SDK1: variants seen among roughly 807,000 people sequenced by gnomAD.
SDK1 encodes the protein sidekick cell adhesion molecule 1, also known as protein sidekick-1.
In SDK1, 157 loss-of-function variants were observed where a neutral mutation model predicts 245.5. That is an observed-to-expected ratio of 0.64 (90% CI 0.56 to 0.73). The LOEUF (loss-of-function observed/expected upper bound fraction) is 0.73, where lower values mean the gene tolerates loss of function less well. SDK1 is among the 30% of genes least tolerant of loss of function. SDK1 has a pLI of 0.00. For synonymous variants in SDK1, 1,647 were observed against 1,278.5 expected, an observed-to-expected ratio of 1.29 and a Z score of -6.15; for missense variants, 3,583 against 3,002.3, an observed-to-expected ratio of 1.19 and a Z score of -4.52.
At chr7:3,657,059 T>C (rs2128658030) in intron 4 of SDK1, among the ~76,000 whole-genome samples, 1 of 152,270 alleles carries the variant, frequency 6.6e-6, no homozygotes, top group Non-Finnish European at 1.5e-5. Flanking sequence ...GGTGGAAATC[T>C]TGACTGTCAA....
intron 35 of SDK1, among the ~76,000 whole-genome samples, chr7:4,196,701 T>C (rs672566): frequency 0.25 from 37,887 of 152,100 alleles, 4,917 homozygotes; most frequent in South Asian, 0.39. Context: ...AGGGCTGGAA[T>C]TGCCTGCTGA....
intron 13 of SDK1, among the ~76,000 whole-genome samples, chr7:3,983,693 C>G (rs1783596462): frequency 1.3e-5 from 2 of 152,184 alleles, no homozygotes; most frequent in African/African-American, 4.8e-5. Context: ...CAAGGCCCTT[C>G]ACATTATGAA....
At chr7:3,565,603 T>C (rs1779886691) in intron 1 of SDK1, among the ~76,000 whole-genome samples, 1 of 152,224 alleles carries the variant, frequency 6.6e-6, no homozygotes, top group Non-Finnish European at 1.5e-5. Flanking sequence ...AGTCATCTCT[T>C]GGTATCTGGA....
At chr7:3,893,994 A>G (rs921643980) in intron 5 of SDK1, among the ~76,000 whole-genome samples, 1 of 152,204 alleles carries the variant, frequency 6.6e-6, no homozygotes, top group African/African-American at 2.4e-5. Context: ...CACTGCAGAG[A>G]TGTATAAGAT....
intron 5 of SDK1, among the ~76,000 whole-genome samples, chr7:3,881,759 C>G (rs1781214067): frequency 6.6e-6 from 1 of 152,146 alleles, no homozygotes; most frequent in African/African-American, 2.4e-5. Context: ...AAAGTGAGCC[C>G]TCACACCAGA....
intron 2 of SDK1, among the ~76,000 whole-genome samples, chr7:3,627,426 G>T (rs1271697682): frequency 6.6e-6 from 1 of 152,202 alleles, no homozygotes; most frequent in Non-Finnish European, 1.5e-5. Context: ...CATGCTTCCA[G>T]ATTGCGGTGC....
chr7:3,801,279 A>T (rs574042755), intron 4 of SDK1, among the ~76,000 whole-genome samples: 1 of 152,208 alleles, frequency 6.6e-6, no homozygotes, highest in Non-Finnish European at 1.5e-5. Flanking sequence ...GGGTTAATGA[A>T]AACTTTTCTA....
chr7:4,076,020 C>A (rs1052055077), intron 20 of SDK1, among the ~76,000 whole-genome samples: 1 of 152,032 alleles, frequency 6.6e-6, no homozygotes. Context: ...TCATGAGGCC[C>A]CACTGGCCTG....
At chr7:3,869,007 T>G (rs891915028) in intron 5 of SDK1, among the ~76,000 whole-genome samples, 1 of 152,150 alleles carries the variant, frequency 6.6e-6, no homozygotes, top group Non-Finnish European at 1.5e-5. Context: ...CCGACATTTC[T>G]CATTCGGGAA....
intron 22 of SDK1, among the ~76,000 whole-genome samples, chr7:4,081,146 C>T (rs1187754083): frequency 6.6e-6 from 1 of 152,184 alleles, no homozygotes; most frequent in African/African-American, 2.4e-5. Context: ...TACGCTAGGG[C>T]TAGGCAGGCC....
intron 1 of SDK1, among the ~76,000 whole-genome samples, chr7:3,510,861 G>A (rs1056362691): frequency 1.3e-5 from 2 of 152,162 alleles, no homozygotes; most frequent in Admixed American, 1.3e-4. Flanking sequence ...CATTCCAGAG[G>A]TGTTTCTGTC....
At chr7:3,983,967 C>T (rs969596145) in intron 13 of SDK1, among the ~76,000 whole-genome samples, 4 of 152,134 alleles carry the variant, frequency 2.6e-5, no homozygotes, top group African/African-American at 7.2e-5. Context: ...TAGCTCTTGC[C>T]GCCTACACTA....
At chr7:3,891,270 C>G (rs1781451779) in intron 5 of SDK1, among the ~76,000 whole-genome samples, 1 of 152,070 alleles carries the variant, frequency 6.6e-6, no homozygotes, top group Non-Finnish European at 1.5e-5. Context: ...CAGTCGTGCT[C>G]CCGGGGAGGA....
chr7:4,170,454 AAGAAC>A (rs1179305454), intron 32 of SDK1, among the ~76,000 whole-genome samples: 1 of 152,080 alleles, frequency 6.6e-6, no homozygotes, highest in Non-Finnish European at 1.5e-5. Context: ...CTCAAAAAAA[AAGAAC>A]AGAACAGACT....
At chr7:3,757,046 A>G (rs1284782611) in intron 4 of SDK1, among the ~76,000 whole-genome samples, 1 of 151,768 alleles carries the variant, frequency 6.6e-6, no homozygotes, top group African/African-American at 2.4e-5. Context: ...TTCCATACTG[A>G]TTCTCCAACT....
intron 1 of SDK1, among the ~76,000 whole-genome samples, chr7:3,303,653 A>G (rs752438058): frequency 1.3e-5 from 2 of 152,232 alleles, no homozygotes; most frequent in Non-Finnish European, 1.5e-5. Flanking sequence ...GAAAGTGTAC[A>G]GATCTTTTAG....
intron 1 of SDK1, among the ~76,000 whole-genome samples, chr7:3,459,524 C>G (rs1360571052): frequency 6.6e-6 from 1 of 152,124 alleles, no homozygotes; most frequent in African/African-American, 2.4e-5. Flanking sequence ...GTGCTTTTGC[C>G]TTATAGTTGA....
chr7:4,012,894 A>G (rs1446730145), intron 16 of SDK1, among the ~76,000 whole-genome samples: 1 of 151,952 alleles, frequency 6.6e-6, no homozygotes, highest in Non-Finnish European at 1.5e-5. Flanking sequence ...AGGTCTTTTG[A>G]TTCCATTTAA....
chr7:3,537,250 T>C (rs529931921), intron 1 of SDK1, among the ~76,000 whole-genome samples: 2 of 152,344 alleles, frequency 1.3e-5, no homozygotes, highest in African/African-American at 4.8e-5. Flanking sequence ...TATCCCATTA[T>C]CCATTTGATC....
Sources: allele counts gnomAD v4.1 joint callset (sites outside exome capture counted in the v4.1 genomes callset), GRCh38; gene constraint gnomAD v4.1.1; transcripts MANE v1.5; gene names NCBI Gene and HGNC (gene_info 2026-07-23, HGNC 2026-07-21).